AFAP1L2: variants seen among roughly 807,000 people sequenced by gnomAD.
AFAP1L2 encodes the protein actin filament associated protein 1 like 2, also known as actin filament-associated protein 1-like 2.
A neutral mutation model predicts 99.3 loss-of-function variants in AFAP1L2; 46 were observed. The ratio of observed to expected loss-of-function variants is 0.46; its 90% confidence interval spans 0.37 to 0.59. The LOEUF (loss-of-function observed/expected upper bound fraction) is 0.59, where lower values mean the gene tolerates loss of function less well. Among genes scored for constraint, AFAP1L2 ranks in the 20% least tolerant of loss-of-function variants. AFAP1L2 has a pLI of 0.00. For missense variants in AFAP1L2, 959 were observed against 1,034.9 expected (o/e 0.93, Z 1.01); for synonymous variants, 397 against 419.1 (o/e 0.95, Z 0.64).
At chr10:114,342,596 T>C (rs1353277990) in intron 1 of AFAP1L2, among the ~76,000 whole-genome samples, 1 of 151,584 alleles carries the variant, frequency 6.6e-6, no homozygotes, top group Non-Finnish European at 1.5e-5. Flanking sequence ...AGGGTAAGAG[T>C]CAGGGAGATA....
intron 1 of AFAP1L2, among the ~76,000 whole-genome samples, chr10:114,391,439 C>G (rs766768276): frequency 1.3e-5 from 2 of 152,122 alleles, no homozygotes; most frequent in Non-Finnish European, 2.9e-5. Flanking sequence ...AGACTGGTCT[C>G]GAATTCCTGA....
chr10:114,363,857 T>C (rs2052808616), intron 1 of AFAP1L2, among the ~76,000 whole-genome samples: 1 of 152,204 alleles, frequency 6.6e-6, no homozygotes, highest in African/African-American at 2.4e-5. Context: ...ATGTGAAATA[T>C]AGCATTATCC....
chr10:114,304,021 C>A (rs1486206655), intron 11 of AFAP1L2, among the ~76,000 whole-genome samples: 1 of 152,286 alleles, frequency 6.6e-6, no homozygotes, highest in Middle Eastern at 3.4e-3. Flanking sequence ...TATTCCTGTG[C>A]TGAGAAGATG....
intron 1 of AFAP1L2, among the ~76,000 whole-genome samples, chr10:114,361,945 G>T (rs2052490973): frequency 6.6e-6 from 1 of 152,120 alleles, no homozygotes; most frequent in South Asian, 2.1e-4. Context: ...ATGCAAAAAT[G>T]GATGGTAGGA....
At chr10:114,301,132 G>A (rs764565238) in intron 13 of AFAP1L2, among the ~76,000 whole-genome samples, 8 of 152,208 alleles carry the variant, frequency 5.3e-5, no homozygotes, top group Non-Finnish European at 8.8e-5. Context: ...GGGTTCACCG[G>A]TGTTTCATCT....
At chr10:114,290,483 T>C, downstream of AFAP1L2, 1 of 1,413,122 alleles carries the variant, frequency 7.1e-7, no homozygotes, top group Non-Finnish European at 9.6e-7. Context: ...AAGAAATTAT[T>C]CAGTCGTTTA....
intron 18 of AFAP1L2, chr10:114,296,388 G>C (rs1460680123): frequency 5.5e-6 from 2 of 361,320 alleles, no homozygotes; most frequent in East Asian, 1.0e-4. Flanking sequence ...AGGAGGATAG[G>C]AATAAGGAGC....
chr10:114,365,901 TA>T (rs2053171103), intron 1 of AFAP1L2, among the ~76,000 whole-genome samples: 1 of 142,386 alleles, frequency 7.0e-6, no homozygotes, highest in African/African-American at 2.6e-5. Flanking sequence ...AGATAATTTT[TA>T]ATTTTTTTTT....
intron 1 of AFAP1L2, among the ~76,000 whole-genome samples, chr10:114,366,144 A>AG (rs576052434): frequency 6.6e-4 from 101 of 152,332 alleles, no homozygotes; most frequent in African/African-American, 2.2e-3. Context: ...TTTAGTGAGT[A>AG]GATTCATTAA....
At chr10:114,362,662 C>T (rs976949385) in intron 1 of AFAP1L2, among the ~76,000 whole-genome samples, 6 of 152,152 alleles carry the variant, frequency 3.9e-5, no homozygotes, top group Admixed American at 1.3e-4. Flanking sequence ...CATAAGCTGT[C>T]GTGGTCATTT....
chr10:114,307,477 C>A (rs753547635), intron 10 of AFAP1L2, among the ~76,000 whole-genome samples: 6 of 151,866 alleles, frequency 4.0e-5, no homozygotes, highest in Non-Finnish European at 5.9e-5. Flanking sequence ...CATCCTTCTG[C>A]TTGGTCCCCT....
At chr10:114,324,290 C>G (rs906801655) in intron 4 of AFAP1L2, among the ~76,000 whole-genome samples, 1 of 152,128 alleles carries the variant, frequency 6.6e-6, no homozygotes, top group African/African-American at 2.4e-5. Context: ...GTCACCCAGG[C>G]TGGAGTGCAA....
chr10:114,349,043 T>A (rs2050029850), intron 1 of AFAP1L2, among the ~76,000 whole-genome samples: 1 of 152,136 alleles, frequency 6.6e-6, no homozygotes, highest in Non-Finnish European at 1.5e-5. Context: ...AAATACATTT[T>A]CTCCTAAAGT....
intron 1 of AFAP1L2, among the ~76,000 whole-genome samples, chr10:114,366,173 T>A (rs989306733): frequency 6.6e-6 from 1 of 152,222 alleles, no homozygotes; most frequent in Non-Finnish European, 1.5e-5. Flanking sequence ...AAGAGCTGTG[T>A]GCCCTTCTTC....
In AFAP1L2 at chr10:114,300,277, G is replaced by C. The variant is rs1269008294; in HGVS notation, c.1874C>G (p.Pro625Arg). The C allele has an allele frequency of 1.2e-6, 2 of 1,614,030 alleles. No homozygotes were observed. Among genetic ancestry groups the C allele is most frequent in the African/African-American group, 2.7e-5 (2 of 74,914 alleles). The part of the protein sequence containing the change: ...IQTEQQRISF[P>R]PSCPDAVVAT... ...CACCACGGCATCCGGGCAGCTCGGT[G>C]GGAAGGAGATTCTCTGCTGTTCCGT... is the stretch of plus-strand genomic sequence containing the variant. Residue 625 changes from proline to arginine, a missense_variant, in exon 15 of 19, where the codon CCA becomes CGA. Pro to Arg is a moderately radical substitution (Grantham distance 103). Coordinates refer to ENST00000304129, the MANE Select transcript of AFAP1L2 (RefSeq NM_001001936.3).
intron 17 of AFAP1L2, 51 bp from the exon 18 acceptor site, chr10:114,297,151 A>AGCCCCC: frequency 1.7e-6 from 2 of 1,164,628 alleles, no homozygotes; most frequent in East Asian, 3.1e-5. Context: ...GGGAGATGTG[A>AGCCCCC]CCCACCCACC....
the AFAP1L2 span, chr10:114,289,338 C>T: frequency 6.2e-7 from 1 of 1,614,248 alleles, no homozygotes; most frequent in Non-Finnish European, 8.5e-7. Context: ...AGCTGAGGAA[C>T]AATGGCATCT....
chr10:114,388,896 A>G (rs61868311), intron 1 of AFAP1L2, among the ~76,000 whole-genome samples: 5,799 of 152,290 alleles, frequency 0.038, 125 homozygotes, highest in Middle Eastern at 0.095. Context: ...GCAGAAACTG[A>G]ACACTGTCAG....
In AFAP1L2 at chr10:114,299,270, C is replaced by T. The variant is rs866891098; in HGVS notation, c.2103G>A (p.Leu701=). ...TGGGGGCCCCCTTACCTGTGCATTT[C>T]AGTAGGGTTTCCTTTAGCTCCCGTT... ...KEKRELKETL[L]KCTDKEVLAS... is the part of the protein sequence containing the mutation. Residue 701 remains leucine, a synonymous_variant, in exon 16 of 19, where the codon CTG becomes CTA. Transcript: ENST00000304129. 2 of 1,614,234 alleles carry T rather than the reference C, an allele frequency of 1.2e-6. No homozygotes were observed. Among genetic ancestry groups the T allele is most frequent in the East Asian group, 2.2e-5 (1 of 44,888 alleles).
Sources: allele counts gnomAD v4.1 joint callset (sites outside exome capture counted in the v4.1 genomes callset), GRCh38; gene constraint gnomAD v4.1.1; transcripts MANE v1.5; gene names NCBI Gene and HGNC (gene_info 2026-07-23, HGNC 2026-07-21).